KIF19: variants seen among roughly 807,000 people sequenced by gnomAD.
KIF19 encodes kinesin family member 19, also known as kinesin-like protein KIF19.
KIF19 carries 98 observed loss-of-function variants against 106.6 expected under a neutral mutation model. The observed-to-expected ratio is 0.92, with a 90% CI of 0.78 to 1.09. The LOEUF is 1.09. KIF19 is among the 50% of genes least tolerant of loss of function. The pLI, the probability that KIF19 is intolerant of heterozygous loss-of-function variation, is 0.00. For missense variants in KIF19, 1,373 were observed against 1,414.3 expected (o/e 0.97, Z 0.47); for synonymous variants, 516 against 584.2 (o/e 0.88, Z 1.68).
At chr17:74,354,729 G>T in intron 18 of KIF19, 53 bp from the exon 19 acceptor site, 1 of 1,534,998 alleles carries the variant, frequency 6.5e-7, no homozygotes, top group Non-Finnish European at 8.8e-7. Context: ...ACAGATCCTG[G>T]TAGCAGATCC....
rs1403765742 is a variant in KIF19, at chr17:74,350,923, G to C, written c.1587+18G>C. 1.9e-6 allele frequency: 3 copies of C among 1,612,606 alleles called. No homozygotes were observed. In the South Asian group the frequency reaches 3.3e-5, roughly 18 times the overall value. On this transcript the variant is annotated intron_variant, in intron 12 of 19. Coordinates refer to ENST00000389916, the MANE Select transcript of KIF19 (RefSeq NM_153209.4). ...AGCAGAAGGTGTCCAGGGTTTGGGG[G>C]GACAAGGAGAGTGGGTTTAGGGGAC... is the stretch of plus-strand genomic sequence containing the variant.
rs1462458526 is a variant in KIF19 at position 74,354,869 on chromosome 17, C to A, written c.2794C>A (p.Pro932Thr). The change falls in exon 19 of 20, where the codon CCT becomes ACT. Residue 932 changes from proline (P) to threonine (T), a missense_variant. By Grantham distance (38) the Pro-to-Thr change is conservative. This residue lies in a region of KIF19 where 1,020 missense variants were observed against 1,008.2 expected (regional missense o/e 1.01). Coordinates refer to ENST00000389916, the MANE Select transcript of KIF19 (RefSeq NM_153209.4). ...GATGCCAGTGTGCAGGCACCCAGCC[C>A]CTGGTATCCGGCATCTGGGAAAGGT... ...HRMPVCRHPA[P>T]GIRHLGKVTL... 1.3e-6 allele frequency: 2 copies of A among 1,566,460 alleles called. No homozygotes were observed. The highest frequency in any genetic ancestry group is 3.8e-5 in the Admixed American group (2 of 52,664).
Position 74,347,817 on chromosome 17 carries a change from A to T in KIF19, c.965A>T (p.His322Leu). 1 of 1,588,662 alleles carries T rather than the reference A, an allele frequency of 6.3e-7. No individual in the cohort carries two copies. ...AACAGCCGCACAGTGATGATCGCTC[A>T]CATCAGTCCTGCGAGCAGTGCCTTC... The part of the protein sequence containing the change: ...GGNSRTVMIA[H>L]ISPASSAFEE... Residue 322 changes from histidine (H) to leucine (L), a missense_variant, in exon 9 of 20, where the codon CAC (histidine) becomes CTC (leucine). Coordinates refer to ENST00000389916, the MANE Select transcript of KIF19 (RefSeq NM_153209.4).
intron 1 of KIF19, among the ~76,000 whole-genome samples, 165 bp from the exon 2 acceptor site, chr17:74,328,260 A>G (rs546685383): frequency 1.3e-5 from 2 of 152,260 alleles, no homozygotes; most frequent in East Asian, 3.9e-4. Flanking sequence ...ACACAGTCCA[A>G]CACTCTGTGG....
At chr17:74,343,222 C>T in intron 5 of KIF19, 62 bp downstream of exon 5, 2 of 1,563,600 alleles carry the variant, frequency 1.3e-6, no homozygotes, top group Non-Finnish European at 1.7e-6. Flanking sequence ...GGTCACTGTG[C>T]AGCTTCCCGG....
At chr17:74,342,065 C>A (rs928043556) in intron 3 of KIF19, 79 bp downstream of exon 3, 41 of 1,065,044 alleles carry the variant, frequency 3.8e-5, no homozygotes, top group Non-Finnish European at 5.2e-5. Context: ...CCCTCCAGGG[C>A]CCCTGCCTTT....
chr17:74,328,634 C>T, intron 2 of KIF19, 129 bp downstream of exon 2: 2 of 716,786 alleles, frequency 2.8e-6, no homozygotes, highest in Admixed American at 2.7e-5. Flanking sequence ...GAACTCTTGG[C>T]TGTGCTGTTG....
At position 74,350,757 on chromosome 17, in the gene KIF19, G is replaced by A. The variant is rs762741643; in HGVS notation, c.1439G>A (p.Arg480Gln). ...RRALKWREEQ[R>Q]KECYAKDDSE... is the part of the protein sequence containing the mutation. Reference sequence around the variant, plus strand: ...GCCCTCAAATGGCGGGAGGAGCAGCGAAAGGAGTGCTACGCTAAGGACGAC... The same window carrying A: ...GCCCTCAAATGGCGGGAGGAGCAGCAAAAGGAGTGCTACGCTAAGGACGAC... Residue 480 changes from arginine to glutamine, a missense_variant, in exon 12 of 20, where the codon CGA becomes CAA. Physicochemically the swap from Arg to Gln is conservative, Grantham distance 43 (BLOSUM62 1). Transcript: ENST00000389916. 4.6e-5 allele frequency: 75 copies of A among 1,613,976 alleles called. No homozygotes were observed. Among genetic ancestry groups the A allele is most frequent in the South Asian group, 2.2e-4 (20 of 91,070 alleles).
chr17:74,351,280 C>T lies in KIF19; in HGVS notation c.1587+375C>T, dbSNP rs559830745. 235 of 173,006 alleles carry T rather than the reference C, an allele frequency of 1.4e-3. 1 individual carries two copies. Among genetic ancestry groups the T allele is most frequent in the Non-Finnish European group, 1.9e-3 (157 of 84,634 alleles). The allele number at this position is 173,006 out of a possible 1,614,324, so 10.7% of individuals were successfully genotyped here. A position where few individuals can be genotyped will look rare whatever the true frequency, so the allele number is the denominator to read the frequency against. ...GGCAGATCACTTGAGGCCAGGAGTT[C>T]GAGACCAGCCTGGCCAACATGGCGA... On this transcript the variant is annotated intron_variant, in intron 12 of 19. Coordinates refer to ENST00000389916, the MANE Select transcript of KIF19 (RefSeq NM_153209.4).
intron 17 of KIF19, among the ~76,000 whole-genome samples, chr17:74,353,821 C>T (rs2054793060): frequency 6.6e-6 from 1 of 152,208 alleles, no homozygotes; most frequent in African/African-American, 2.4e-5. Flanking sequence ...AGAAAAGAGA[C>T]ATGTGGCATG....
At chr17:74,348,788 A>C (rs558223674) in intron 9 of KIF19, 1 of 214,664 alleles carries the variant, frequency 4.7e-6, no homozygotes, top group East Asian at 1.5e-4. Flanking sequence ...GGCTGGGAGG[A>C]CATTCCAGAA....
intron 2 of KIF19, among the ~76,000 whole-genome samples, chr17:74,337,407 C>T (rs2054249176): frequency 6.6e-6 from 1 of 152,096 alleles, no homozygotes; most frequent in Non-Finnish European, 1.5e-5. Flanking sequence ...CGTCAGTTCT[C>T]GGATCTGTGC....
Position 74,353,510 on chromosome 17 carries a change from G to C in KIF19, c.2237G>C (p.Ser746Thr). ...LVTQEAPAQD[S>T]LGSWINSSPD... ...ACCCCACAGGCCCCGGCTCAGGACAGCCTGGGCAGCTGGATCAACTCTTCC... is the reference window on the plus strand; with the variant it reads ...ACCCCACAGGCCCCGGCTCAGGACACCCTGGGCAGCTGGATCAACTCTTCC... The change falls in exon 17 of 20, where the codon AGC (serine) becomes ACC (threonine). Residue 746 changes from serine to threonine, a missense_variant. Coordinates refer to ENST00000389916, the MANE Select transcript of KIF19 (RefSeq NM_153209.4). 1 of 1,613,860 alleles carries C rather than the reference G, an allele frequency of 6.2e-7. No individual in the cohort carries two copies. The highest frequency in any genetic ancestry group is 1.3e-5 in the African/African-American group (1 of 75,062).
intron 4 of KIF19, 116 bp downstream of exon 4, chr17:74,342,833 C>A: frequency 8.1e-7 from 1 of 1,230,946 alleles, no homozygotes; most frequent in Non-Finnish European, 1.2e-6. Flanking sequence ...CGCTCCACAT[C>A]TCACCCAGGG....
intron 1 of KIF19, 108 bp from the exon 2 acceptor site, chr17:74,328,317 G>A: frequency 1.1e-6 from 1 of 931,284 alleles, no homozygotes; most frequent in Non-Finnish European, 1.7e-6. Flanking sequence ...GGACAAGGGA[G>A]GCCTGAGATG....
rs919798879 is a variant in KIF19, at chr17:74,351,071, A to T, written c.1587+166A>T. On this transcript the variant is annotated intron_variant, in intron 12 of 19. Coordinates refer to ENST00000389916, the MANE Select transcript of KIF19 (RefSeq NM_153209.4). ...GCTCTTTAACTTCTCTATGCGTCAC[A>T]TTCCCCACCTGTAAAATGGGAGCAG... The T allele has an allele frequency of 1.3e-5, 9 of 667,432 alleles. No individual in the cohort carries two copies. In the Admixed American group the frequency reaches 1.8e-4, roughly 14 times the overall value. The allele number at this position is 667,432 out of a possible 1,614,324, so 41.3% of individuals were successfully genotyped here. A position where few individuals can be genotyped will look rare whatever the true frequency, so the allele number is the denominator to read the frequency against.
At position 74,342,023 on chromosome 17, in the gene KIF19, C is replaced by T. The variant is rs753386208; in HGVS notation, c.231+37C>T. The T allele has an allele frequency of 4.3e-6, 6 of 1,393,736 alleles. No homozygotes were observed. In the East Asian group the frequency reaches 1.3e-4, roughly 30 times the overall value. The allele number at this position is 1,393,736 out of a possible 1,614,324, so 86.3% of individuals were successfully genotyped here. ...CCTGGGCTGGAGACACGCAGGAGCC[C>T]CTCCCCCACCCTTAGCCCCACTCAG... is the stretch of plus-strand genomic sequence containing the variant. On this transcript the variant is annotated intron_variant, in intron 3 of 19. Coordinates refer to ENST00000389916, the MANE Select transcript of KIF19 (RefSeq NM_153209.4).
Position 74,354,497 on chromosome 17 carries a change from G to A in KIF19, c.2644G>A (p.Glu882Lys). 1 of 1,605,476 alleles carries A rather than the reference G, an allele frequency of 6.2e-7. No homozygotes were observed. The highest frequency in any genetic ancestry group is 1.1e-5 in the South Asian group (1 of 89,596). Reference sequence around the variant, plus strand: ...GAAAAGCCTGGGCAAGAAAAGGGAGGAGTCGCTGGAGGCAAAGAGAAGGAA... The same window carrying A: ...GAAAAGCCTGGGCAAGAAAAGGGAGAAGTCGCTGGAGGCAAAGAGAAGGAA... ...QKKSLGKKRE[E>K]SLEAKRRKRR... is the part of the protein sequence containing the mutation. Residue 882 changes from glutamate to lysine, a missense_variant, in exon 18 of 20, where the codon GAG (glutamate) becomes AAG (lysine). Glu to Lys is a moderately conservative substitution (Grantham distance 56). Transcript: ENST00000389916.
intron 1 of KIF19, among the ~76,000 whole-genome samples, chr17:74,327,965 C>T (rs781540288): frequency 2.0e-5 from 3 of 152,196 alleles, no homozygotes; most frequent in African/African-American, 4.8e-5. Context: ...ACACTCTCCT[C>T]GGTGTAGGAA....
Sources: allele counts gnomAD v4.1 joint callset (sites outside exome capture counted in the v4.1 genomes callset), GRCh38; gene constraint gnomAD v4.1.1; regional missense constraint gnomAD v4.1.1; transcripts MANE v1.5; gene names NCBI Gene and HGNC (gene_info 2026-07-23, HGNC 2026-07-21).